Variants in KBTBD8 observed in about 807,000 individuals in gnomAD.
The protein encoded by KBTBD8 is kelch repeat and BTB domain-containing protein 8.
KBTBD8 carries 31 observed loss-of-function variants against 53.5 expected under a neutral mutation model. The ratio of observed to expected loss-of-function variants is 0.58; its 90% CI spans 0.44 to 0.78. The LOEUF (loss-of-function observed/expected upper bound fraction) is 0.78, where lower values mean the gene tolerates loss of function less well. Among genes scored for constraint, KBTBD8 ranks in the 30% least tolerant of loss-of-function variants. The pLI is 0.00. For missense variants in KBTBD8, 642 were observed against 735.8 expected (o/e 0.87, Z 1.48); for synonymous variants, 250 against 247.3 (o/e 1.01, Z -0.10).
intron 1 of KBTBD8, among the ~76,000 whole-genome samples, chr3:66,998,676 C>T (rs997922850): frequency 6.6e-6 from 1 of 152,084 alleles, no homozygotes; most frequent in South Asian, 2.1e-4. Flanking sequence ...CCTCGGCTCT[C>T]GGCGGAGTCC....
chr3:67,004,394 C>G, intron 3 of KBTBD8, 85 bp downstream of exon 3: 1 of 1,290,266 alleles, frequency 7.8e-7, no homozygotes, highest in Non-Finnish European at 1.1e-6. Flanking sequence ...CAGTTGTGTT[C>G]CCGTTAATTG....
Position 67,003,418 on chromosome 3 carries a change from A to G in KBTBD8, c.451A>G (p.Asn151Asp). Residue 151 changes from asparagine to aspartate, a missense_variant, in exon 3 of 4, where the codon AAT becomes GAT. Asn to Asp is a conservative substitution (Grantham distance 23). Transcript: ENST00000417314. ...TATGATCAGTCATTTGGACCCACAG[A>G]ATTCTATTGGGGTCTTTATCTTTGC... ...KYMISHLDPQ[N>D]SIGVFIFADH... The G allele has an allele frequency of 6.2e-7, 1 of 1,614,052 alleles. No individual in the cohort carries two copies. The highest frequency in any genetic ancestry group is 1.1e-5 in the South Asian group (1 of 91,078).
rs532038183 is a variant in KBTBD8 at position 67,002,956 on chromosome 3, C to T, written c.228-239C>T. Among the ~76,000 whole-genome samples the T allele has an allele frequency of 1.2e-3, 176 of 152,194 alleles. 1 individual carries two copies. Among genetic ancestry groups the T allele is most frequent in the African/African-American group, 4.1e-3 (169 of 41,520 alleles). On this transcript the variant is annotated intron_variant, in intron 2 of 3. Transcript: ENST00000417314. ...TTTGCATTTACTTAGGTGTACTCTC[C>T]TTTTTTCATAGTTGGCACACAGCGA...
At chr3:67,000,365 C>T (rs75145003) in intron 2 of KBTBD8, among the ~76,000 whole-genome samples, 1,589 of 152,352 alleles carry the variant, frequency 0.01, 26 homozygotes, top group African/African-American at 0.036. Context: ...GTGAGATTCA[C>T]TTACCCAGAT....
Position 67,008,628 on chromosome 3 carries a change from T to C in KBTBD8, c.*243T>C. 2.2e-6 allele frequency: 1 copy of C among 456,416 alleles called. No homozygotes were observed. Among genetic ancestry groups the C allele is most frequent in the Non-Finnish European group, 3.9e-6 (1 of 257,828 alleles). The allele number at this position is 456,416 out of a possible 1,614,324, so 28.3% of individuals were successfully genotyped here. The stretch of plus-strand genomic sequence containing the variant: ...TTTTTCCTGGCATAAAATTAATCAT[T>C]TCATTTTATAATTTTGTGATAAATA... On this transcript the variant is annotated 3_prime_UTR_variant, in exon 4 of 4. Coordinates refer to ENST00000417314, the MANE Select transcript of KBTBD8 (RefSeq NM_032505.3).
intron 3 of KBTBD8, among the ~76,000 whole-genome samples, chr3:67,007,538 C>G (rs1472909342): frequency 6.6e-6 from 1 of 152,124 alleles, no homozygotes; most frequent in Admixed American, 6.5e-5. Context: ...AGGCTGGTCT[C>G]AAACTCCTGA....
At chr3:66,998,421 TGGGCCG>T in intron 1 of KBTBD8, 50 bp downstream of exon 1, 1 of 468,344 alleles carries the variant, frequency 2.1e-6, no homozygotes, top group Non-Finnish European at 3.1e-6. Context: ...AGGGGGAAGG[TGGGCCG>T]GGGCCGGCCA....
intron 3 of KBTBD8, among the ~76,000 whole-genome samples, chr3:67,006,390 A>AG (rs1170117851): frequency 3.3e-5 from 5 of 152,234 alleles, no homozygotes; most frequent in African/African-American, 1.2e-4. Context: ...TGAAGCCCTA[A>AG]GGGTTTCTTA....
In KBTBD8 at chr3:67,004,313, GGTGCCTAA is replaced by G; in HGVS notation, c.1342+8_1342+15del. On this transcript the variant is annotated splice_donor_5th_base_variant and intron_variant, in intron 3 of 3. Coordinates refer to ENST00000417314, the MANE Select transcript of KBTBD8 (RefSeq NM_032505.3). ...GAGAAGATCTATGTTTTACAGGGTA[GGTGCCTAA>G]GTGATTTAGTTTTTCATGGAAGGGT... 1 of 1,606,182 alleles carries G rather than the reference GGTGCCTAA, an allele frequency of 6.2e-7. No individual in the cohort carries two copies. Among genetic ancestry groups the G allele is most frequent in the Non-Finnish European group, 8.5e-7 (1 of 1,173,882 alleles).
chr3:67,003,782 A>G lies in KBTBD8; in HGVS notation c.815A>G (p.Asn272Ser). The stretch of plus-strand genomic sequence containing the variant: ...AGCTGTGTAGAAAAGGGACCATCCA[A>G]CACCAATGGCTGTACACAGAGGCTT... Reference protein sequence around the residue: ...AKSCVEKGPSNTNGCTQRLGM... With the variant: ...AKSCVEKGPSSTNGCTQRLGM... Residue 272 changes from asparagine (N) to serine (S), a missense_variant, in exon 3 of 4, where the codon AAC becomes AGC. Transcript: ENST00000417314. 1 of 1,614,238 alleles carries G rather than the reference A, an allele frequency of 6.2e-7. No individual in the cohort carries two copies. Among genetic ancestry groups the G allele is most frequent in the Non-Finnish European group, 8.5e-7 (1 of 1,180,040 alleles).
rs778073406 is a variant in KBTBD8 at position 67,003,975 on chromosome 3, C to T, written c.1008C>T (p.Asp336=). Residue 336 remains aspartate, a synonymous_variant, in exon 3 of 4, where the codon GAC becomes GAT. Coordinates refer to ENST00000417314, the MANE Select transcript of KBTBD8 (RefSeq NM_032505.3). ...GGATTCTTGTATCACCAGATAATGA[C>T]ATTTACATTGCAGGAGGGTACAGGC... ...EVGILVSPDN[D]IYIAGGYRPS... 6.2e-7 allele frequency: 1 copy of T among 1,614,136 alleles called. No homozygotes were observed. Among genetic ancestry groups the T allele is most frequent in the South Asian group, 1.1e-5 (1 of 91,086 alleles).
rs955744352 is a variant in KBTBD8, at chr3:67,010,771, T to C, written c.*2386T>C. ...CTTAAGTAAAAGGCACAATGGGTAC[T>C]ACAGAATTAAAATGTAGGTCTAACA... On this transcript the variant is annotated 3_prime_UTR_variant, in exon 4 of 4. Coordinates refer to ENST00000417314, the MANE Select transcript of KBTBD8 (RefSeq NM_032505.3). 6.6e-6 allele frequency: 1 copy of C among 152,602 alleles called. No homozygotes were observed. Among genetic ancestry groups the C allele is most frequent in the Non-Finnish European group, 1.5e-5 (1 of 68,016 alleles). The allele number at this position is 152,602 out of a possible 1,614,324, so 9.5% of individuals were successfully genotyped here.
rs545108272 is a variant in KBTBD8, at chr3:67,008,693, C to T, written c.*308C>T. The T allele has an allele frequency of 2.1e-5, 6 of 281,150 alleles. No individual in the cohort carries two copies. In the East Asian group the frequency reaches 3.3e-4, roughly 15 times the overall value. 17.4% of individuals were successfully genotyped at this position (281,150 alleles called of 1,614,324 possible). On this transcript the variant is annotated 3_prime_UTR_variant, in exon 4 of 4. Transcript: ENST00000417314. Reference sequence around the variant, plus strand: ...AGATGAATCAGGACAACTATGCACTCTTATAAGAGCATTTAGGGTATTATT... The same window carrying T: ...AGATGAATCAGGACAACTATGCACTTTTATAAGAGCATTTAGGGTATTATT...
chr3:67,001,413 G>T (rs1702017677), intron 2 of KBTBD8, among the ~76,000 whole-genome samples: 1 of 152,198 alleles, frequency 6.6e-6, no homozygotes, highest in South Asian at 2.1e-4. Flanking sequence ...GATTTTGTGT[G>T]AGGAAGTGCC....
At chr3:67,002,461 A>C (rs904769859) in intron 2 of KBTBD8, among the ~76,000 whole-genome samples, 1 of 147,286 alleles carries the variant, frequency 6.8e-6, no homozygotes, top group African/African-American at 2.5e-5. Context: ...AGTTTTTATT[A>C]GGTTGTTTCT....
At chr3:67,005,491 C>G (rs1244613534) in intron 3 of KBTBD8, among the ~76,000 whole-genome samples, 1 of 152,120 alleles carries the variant, frequency 6.6e-6, no homozygotes, top group African/African-American at 2.4e-5. Flanking sequence ...GTAGTAAGCT[C>G]CCATCTAGGT....
intron 3 of KBTBD8, among the ~76,000 whole-genome samples, chr3:67,004,720 G>A (rs6549565): frequency 0.39 from 59,585 of 152,000 alleles, 12,363 homozygotes; most frequent in African/African-American, 0.53. Context: ...CTGGTATTCT[G>A]TGGAATTTAC....
intron 2 of KBTBD8, 93 bp from the exon 3 acceptor site, chr3:67,003,102 T>A: frequency 7.9e-7 from 1 of 1,262,064 alleles, no homozygotes; most frequent in Non-Finnish European, 1.1e-6. Context: ...TTTCAAAAGG[T>A]TATCTTTGTG....
chr3:67,004,000 C>T lies in KBTBD8; in HGVS notation c.1033C>T (p.Pro345Ser). The T allele has an allele frequency of 6.2e-7, 1 of 1,614,108 alleles. No homozygotes were observed. The highest frequency in any genetic ancestry group is 8.5e-7 in the Non-Finnish European group (1 of 1,180,010). The change falls in exon 3 of 4, where the codon CCA becomes TCA. Residue 345 changes from proline (P) to serine (S), a missense_variant. By Grantham distance (74) the Pro-to-Ser change is moderately conservative (BLOSUM62 -1). Transcript: ENST00000417314. ...NDIYIAGGYR[P>S]SSSEVSIDHK... ...CATTTACATTGCAGGAGGGTACAGG[C>T]CAAGCAGCAGTGAGGTCTCCATCGA...
Sources: allele counts gnomAD v4.1 joint callset (sites outside exome capture counted in the v4.1 genomes callset), GRCh38; gene constraint gnomAD v4.1.1; transcripts MANE v1.5; gene names NCBI Gene and HGNC (gene_info 2026-07-23, HGNC 2026-07-21).